EXTL3: variants seen among roughly 807,000 people sequenced by gnomAD.
EXTL3 encodes the protein exostosin like glycosyltransferase 3.
EXTL3 carries 27 observed loss-of-function variants against 69.3 expected under a neutral mutation model. The ratio of observed to expected loss-of-function variants is 0.39; its 90% CI spans 0.29 to 0.54. The LOEUF (loss-of-function observed/expected upper bound fraction) is 0.54, where lower values mean the gene tolerates loss of function less well. EXTL3 is among the 20% of genes least tolerant of loss of function. The pLI is 0.69. For missense variants in EXTL3, 1,003 were observed against 1,231.8 expected (o/e 0.81, Z 2.78); for synonymous variants, 511 against 499.4 (o/e 1.02, Z -0.31).
At chr8:28,626,531 T>C (rs1028977181) in intron 1 of EXTL3, among the ~76,000 whole-genome samples, 4 of 152,232 alleles carry the variant, frequency 2.6e-5, no homozygotes, top group Non-Finnish European at 4.4e-5. Context: ...TTCTTAGACA[T>C]GATTTCATTT....
chr8:28,670,082 G>A (rs1157880299), intron 1 of EXTL3, among the ~76,000 whole-genome samples: 1 of 151,878 alleles, frequency 6.6e-6, no homozygotes, highest in African/African-American at 2.4e-5. Context: ...GATGTTGTGT[G>A]CCTGTGGTCC....
intron 1 of EXTL3, among the ~76,000 whole-genome samples, chr8:28,643,653 C>T (rs1017061969): frequency 2.6e-5 from 4 of 151,940 alleles, no homozygotes; most frequent in South Asian, 2.1e-4. Context: ...CTCCTGACCT[C>T]GTGATCCACC....
intron 1 of EXTL3, among the ~76,000 whole-genome samples, chr8:28,650,482 C>T (rs549515436): frequency 4.5e-4 from 69 of 151,758 alleles, no homozygotes; most frequent in Admixed American, 1.6e-3. Flanking sequence ...CTCAGCCTCC[C>T]GAGCAGCTGG....
intron 3 of EXTL3, among the ~76,000 whole-genome samples, chr8:28,724,974 C>T (rs983052816): frequency 6.6e-6 from 1 of 152,118 alleles, no homozygotes; most frequent in African/African-American, 2.4e-5. Flanking sequence ...TTTCCTCATT[C>T]CTGAGTTCTC....
chr8:28,661,356 T>C (rs73564753), intron 1 of EXTL3, among the ~76,000 whole-genome samples: 8,855 of 151,670 alleles, frequency 0.058, 805 homozygotes, highest in African/African-American at 0.19. Flanking sequence ...TATATATATA[T>C]ACACACACAC....
At chr8:28,737,424 G>T in intron 4 of EXTL3, 95 bp from the exon 5 acceptor site, 1 of 1,358,476 alleles carries the variant, frequency 7.4e-7, no homozygotes, top group East Asian at 2.3e-5. Context: ...AAGCCTAAGG[G>T]CCAGAGCTTG....
At chr8:28,660,400 A>G (rs1417289316) in intron 1 of EXTL3, among the ~76,000 whole-genome samples, 1 of 152,008 alleles carries the variant, frequency 6.6e-6, no homozygotes, top group African/African-American at 2.4e-5. Context: ...GTAGACATGT[A>G]CACAAGTGTA....
rs188250347 is a variant in EXTL3 at position 28,647,126 on chromosome 8, C to T, written c.-53+24316C>T. 3.4e-4 allele frequency among the ~76,000 whole-genome samples: 50 copies of T among 147,246 alleles called. 2 individuals carry two copies. In the East Asian group the frequency reaches 6.5e-3, roughly 19 times the overall value. ...TTAGTTCTTTTTTTTTTTTTTGAGA[C>T]GGAGTTTTGCTCTTGTCGTCCAGGC... On this transcript the variant is annotated intron_variant, in intron 1 of 6. Coordinates refer to the EXTL3 transcript ENST00000523149.
At chr8:28,620,392 A>G (rs1806395202), upstream of EXTL3, among the ~76,000 whole-genome samples, 2 of 152,136 alleles carry the variant, frequency 1.3e-5, no homozygotes, top group South Asian at 4.2e-4. Context: ...ATGGAACTTG[A>G]ACTAGAGCTC....
chr8:28,659,645 G>T (rs1187744451), intron 1 of EXTL3, among the ~76,000 whole-genome samples: 1 of 152,036 alleles, frequency 6.6e-6, no homozygotes, highest in Non-Finnish European at 1.5e-5. Context: ...CCCCAGGGTC[G>T]CCCCAACATC....
chr8:28,700,924 C>CT (rs1800772665), upstream of EXTL3: 1 of 152,306 alleles, frequency 6.6e-6, no homozygotes, highest in African/African-American at 2.4e-5. Flanking sequence ...CGGTGTTCTT[C>CT]TTTCCTGTCT....
chr8:28,709,013 A>G (rs140158949), intron 1 of EXTL3, among the ~76,000 whole-genome samples: 55 of 152,320 alleles, frequency 3.6e-4, no homozygotes, highest in African/African-American at 1.3e-3. Flanking sequence ...GAGAATGTAA[A>G]AATGATACAC....
At chr8:28,746,349 T>G (rs1801887877) in intron 6 of EXTL3, among the ~76,000 whole-genome samples, 1 of 152,206 alleles carries the variant, frequency 6.6e-6, no homozygotes, top group Non-Finnish European at 1.5e-5. Flanking sequence ...GATTGAAAAG[T>G]CACCTGTAAA....
chr8:28,626,200 T>A (rs1259928919), intron 1 of EXTL3, among the ~76,000 whole-genome samples: 7 of 151,254 alleles, frequency 4.6e-5, no homozygotes, highest in East Asian at 3.9e-4. Context: ...ACTAAAAAAA[T>A]TTTTTAAATG....
At position 28,750,065 on chromosome 8, in the gene EXTL3, T is replaced by G. The variant is rs1223236625; in HGVS notation, c.2551-592T>G. Among the ~76,000 whole-genome samples the G allele has an allele frequency of 6.6e-5, 10 of 152,104 alleles. No individual in the cohort carries two copies. The highest frequency in any genetic ancestry group is 8.8e-5 in the Non-Finnish European group (6 of 68,034). Reference sequence around the variant, plus strand: ...TTGCATGTTCAGGTGTTCTGAGGGGTTTTTATGCCATTCGGCCTGCCACAT... The same window carrying G: ...TTGCATGTTCAGGTGTTCTGAGGGGGTTTTATGCCATTCGGCCTGCCACAT... On this transcript the variant is annotated intron_variant, in intron 6 of 6. Coordinates refer to ENST00000220562, the MANE Select transcript of EXTL3 (RefSeq NM_001440.4). This position sits in a 1 kb window ranked among gnomAD's most constrained non-coding sequence, Gnocchi z 5.2.
chr8:28,730,633 G>A (rs1478931242), intron 3 of EXTL3, among the ~76,000 whole-genome samples: 3 of 152,210 alleles, frequency 2.0e-5, no homozygotes, highest in East Asian at 3.8e-4. Context: ...TGCTGAAGAC[G>A]CAGAAGCTGT....
At chr8:28,706,990 G>A (rs1407266537) in intron 1 of EXTL3, among the ~76,000 whole-genome samples, 1 of 151,948 alleles carries the variant, frequency 6.6e-6, no homozygotes. Context: ...TCTTGTTACG[G>A]TTCATTTATT....
intron 1 of EXTL3, among the ~76,000 whole-genome samples, chr8:28,652,289 G>A (rs1413303796): frequency 6.6e-6 from 1 of 151,874 alleles, no homozygotes; most frequent in African/African-American, 2.4e-5. Flanking sequence ...TGGTTGCGTC[G>A]CTACATTCCC....
rs17059227 is a variant in EXTL3 at position 28,608,949 on chromosome 8, C to T, written n.314+1191C>T. ...AATTATCAAACAGCAATAAGAGCTG[C>T]GGAGAATTAAAATAAAATGGCCTAA... is the stretch of plus-strand genomic sequence containing the variant. On this transcript the variant is annotated intron_variant and non_coding_transcript_variant, in intron 2 of 4. Coordinates refer to the EXTL3 transcript ENST00000522725. Among the ~76,000 whole-genome samples, 1,513 of 152,152 alleles carry T rather than the reference C, an allele frequency of 9.9e-3. 19 individuals are homozygous for T. Among genetic ancestry groups the T allele is most frequent in the African/African-American group, 0.026 (1,093 of 41,462 alleles).
Sources: gnomAD v4.1 joint callset for allele counts (sites outside exome capture counted in the v4.1 genomes callset) on GRCh38, gnomAD v4.1.1 for gene constraint, Gnocchi (gnomAD v3.1) non-coding constraint, MANE v1.5 for transcripts, NCBI Gene and HGNC (gene_info 2026-07-23, HGNC 2026-07-21) for gene names.